Variants in UBE3A observed in about 807,000 individuals in gnomAD.
UBE3A encodes the protein ubiquitin protein ligase E3A.
Under a neutral mutation model 83.4 loss-of-function variants are expected in UBE3A, and 6 were observed. That is an observed-to-expected ratio of 0.07 (90% confidence interval 0.04 to 0.14). The LOEUF is 0.14. Ranked by LOEUF, UBE3A falls within the 10% of genes least tolerant of loss-of-function variation. The pLI is 1.00. For synonymous variants in UBE3A, 337 were observed against 355.4 expected, an observed-to-expected ratio of 0.95 and a Z score of 0.58; for missense variants, 456 against 1,036.1, an observed-to-expected ratio of 0.44 and a Z score of 7.69.
At chr15:25,387,477 G>A (rs1233190194) in intron 4 of UBE3A, among the ~76,000 whole-genome samples, 4 of 151,798 alleles carry the variant, frequency 2.6e-5, no homozygotes, top group East Asian at 1.9e-4. Context: ...AGCCGAGATC[G>A]AGCCACTGCA....
intron 1 of UBE3A, among the ~76,000 whole-genome samples, chr15:25,419,942 C>T (rs1407001978): frequency 6.6e-6 from 1 of 151,914 alleles, no homozygotes; most frequent in African/African-American, 2.4e-5. Context: ...TCCAAAAATG[C>T]TCCATTAACC....
chr15:25,366,011 G>A (rs1192752274), intron 6 of UBE3A, among the ~76,000 whole-genome samples: 2 of 152,078 alleles, frequency 1.3e-5, no homozygotes, highest in Admixed American at 6.5e-5. Context: ...TATGTAGGCT[G>A]GAATCTCTTT....
At chr15:25,435,589 G>A (rs979220175) in intron 1 of UBE3A, among the ~76,000 whole-genome samples, 7 of 152,152 alleles carry the variant, frequency 4.6e-5, no homozygotes, top group Non-Finnish European at 8.8e-5. Context: ...TACTACATGA[G>A]GTAATGGTGA....
At chr15:25,433,270 G>C (rs56329860) in intron 1 of UBE3A, among the ~76,000 whole-genome samples, 1 of 147,982 alleles carries the variant, frequency 6.8e-6, no homozygotes, top group Non-Finnish European at 1.5e-5. Flanking sequence ...TGCAACCTCC[G>C]CCTCCCGTGT....
In UBE3A at chr15:25,339,124, GT is replaced by G. The variant is rs745340054; in HGVS notation, c.*12del. ...TCCTTCCTTTTTTTTGTTTTATTTT[GT>G]TTTGTTTTGTTTTACAGCATGCCAA... On this transcript the variant is annotated 3_prime_UTR_variant, in exon 13 of 13. Coordinates refer to ENST00000648336, the MANE Select transcript of UBE3A (RefSeq NM_130839.5). 1.6e-5 allele frequency: 22 copies of G among 1,399,994 alleles called. No homozygotes were observed. In the African/African-American group the frequency reaches 2.9e-4, roughly 18 times the overall value. The allele number at this position is 1,399,994 out of a possible 1,614,324, so 86.7% of individuals were successfully genotyped here.
Position 25,354,539 on chromosome 15 carries a change from A to G in UBE3A, c.2269T>C (p.Cys757Arg). 1 of 1,613,956 alleles carries G rather than the reference A, an allele frequency of 6.2e-7. No individual in the cohort carries two copies. The highest frequency in any genetic ancestry group is 8.5e-7 in the Non-Finnish European group (1 of 1,179,938). The change falls in exon 10 of 13, where the codon TGT becomes CGT. Residue 757 changes from cysteine (C) to arginine (R), a missense_variant. Around this residue, in one of 13 missense-constraint regions of UBE3A, gnomAD observed 82 missense variants for 199.3 expected, o/e 0.41. Transcript: ENST00000648336. ...ACCTGCTTTCTTACCCGGCTTCCAC[A>G]TATAAGCAATTCAATTTCTTCTGGT... is the stretch of plus-strand genomic sequence containing the variant. ...FRPEEIELLI[C>R]GSRNLDFQAL...
At chr15:25,435,937 GT>G (rs1894940221) in intron 1 of UBE3A, among the ~76,000 whole-genome samples, 1 of 152,146 alleles carries the variant, frequency 6.6e-6, no homozygotes, top group African/African-American at 2.4e-5. Flanking sequence ...GATTTCTAAG[GT>G]AATACTTATT....
At chr15:25,372,896 CTATAA>C (rs150179820) in intron 5 of UBE3A, among the ~76,000 whole-genome samples, 8,138 of 152,128 alleles carry the variant, frequency 0.053, 243 homozygotes, top group African/African-American at 0.084. Context: ...CCCACCTCTG[CTATAA>C]TATATGTTTC....
At chr15:25,413,729 T>C (rs1208912902) in intron 1 of UBE3A, among the ~76,000 whole-genome samples, 1 of 152,220 alleles carries the variant, frequency 6.6e-6, no homozygotes, top group Non-Finnish European at 1.5e-5. Flanking sequence ...TATTTTTCTA[T>C]CTACTGAAAT....
intron 4 of UBE3A, among the ~76,000 whole-genome samples, chr15:25,385,899 T>C (rs1385790713): frequency 1.3e-5 from 2 of 152,184 alleles, no homozygotes; most frequent in Admixed American, 6.5e-5. Context: ...ATCCAGGCAA[T>C]TGACCAGCTT....
At chr15:25,375,836 A>G in intron 4 of UBE3A, 73 bp from the exon 5 acceptor site, 1 of 1,518,474 alleles carries the variant, frequency 6.6e-7, no homozygotes. Context: ...CATATCATCA[A>G]GGCAAAAGTT....
At chr15:25,382,213 TG>T (rs2082293687) in intron 4 of UBE3A, among the ~76,000 whole-genome samples, 1 of 151,516 alleles carries the variant, frequency 6.6e-6, no homozygotes, top group Non-Finnish European at 1.5e-5. Flanking sequence ...CCCAGCTACT[TG>T]GGAGGCTGAT....
chr15:25,359,283 TA>T (rs2077657766), intron 7 of UBE3A, among the ~76,000 whole-genome samples: 1 of 152,200 alleles, frequency 6.6e-6, no homozygotes. Flanking sequence ...TTAAGAACTT[TA>T]TGAAGTTTAT....
At position 25,370,516 on chromosome 15, in the gene UBE3A, G is replaced by A. The variant is rs1431077915; in HGVS notation, c.1608+50C>T. ...ACTTTTAAAATGAATTCACTGAACT[G>A]TATCATGATATCCCCATTATTAGGT... On this transcript the variant is annotated intron_variant, in intron 6 of 12. Coordinates refer to ENST00000648336, the MANE Select transcript of UBE3A (RefSeq NM_130839.5). The surrounding 1 kb of genome is among the most constrained non-coding windows in gnomAD (Gnocchi z 4.2). 1.9e-6 allele frequency: 3 copies of A among 1,603,602 alleles called. No individual in the cohort carries two copies. Among genetic ancestry groups the A allele is most frequent in the South Asian group, 2.2e-5 (2 of 90,848 alleles).
At chr15:25,390,798 A>T (rs948104760) in intron 4 of UBE3A, among the ~76,000 whole-genome samples, 1 of 152,138 alleles carries the variant, frequency 6.6e-6, no homozygotes, top group Admixed American at 6.5e-5. Flanking sequence ...ATGATGTATC[A>T]ATATAGGTTC....
intron 12 of UBE3A, 173 bp downstream of exon 12, chr15:25,339,910 TAA>T: frequency 2.4e-6 from 2 of 840,580 alleles, no homozygotes; most frequent in Non-Finnish European, 3.7e-6. Flanking sequence ...GGCAATTTCT[TAA>T]AAGTTTCCTC....
Position 25,335,948 on chromosome 15 carries a change from A to G in UBE3A, c.*3189T>C, listed in dbSNP as rs941298474. On this transcript the variant is annotated 3_prime_UTR_variant, in exon 13 of 13. Transcript: ENST00000648336. ...GTTATAGATGTTACTGATTTTGGCA[A>G]TGAGGAGATTATAAGGATCCTTGAA... 2.0e-5 allele frequency: 3 copies of G among 152,158 alleles called. No individual in the cohort carries two copies. Among genetic ancestry groups the G allele is most frequent in the African/African-American group, 7.2e-5 (3 of 41,402 alleles). The allele number at this position is 152,158 out of a possible 1,614,324, so 9.4% of individuals were successfully genotyped here.
In UBE3A at chr15:25,416,511, T is replaced by C. The variant is rs142536177; in HGVS notation, c.-164-4540A>G. 4.4e-3 allele frequency among the ~76,000 whole-genome samples: 660 copies of C among 151,700 alleles called. 1 individual carries two copies. The highest frequency in any genetic ancestry group is 0.015 in the African/African-American group (615 of 41,358). The stretch of plus-strand genomic sequence containing the variant: ...GTGGTTACACATGGAAGAAAAGGGG[T>C]AGTGACACAGAGCACAAGGGGCTAC... On this transcript the variant is annotated intron_variant, in intron 1 of 12. Transcript: ENST00000648336.
At chr15:25,409,809 T>C (rs1385671738) in intron 2 of UBE3A, among the ~76,000 whole-genome samples, 1 of 152,144 alleles carries the variant, frequency 6.6e-6, no homozygotes, top group African/African-American at 2.4e-5. Context: ...GGCAACTGCT[T>C]AATGGAATAG....
Sources: gnomAD v4.1 joint callset for allele counts (sites outside exome capture counted in the v4.1 genomes callset) on GRCh38, gnomAD v4.1.1 for gene constraint, gnomAD v4.1.1 regional missense constraint, Gnocchi (gnomAD v3.1) non-coding constraint, MANE v1.5 for transcripts, NCBI Gene and HGNC (gene_info 2026-07-23, HGNC 2026-07-21) for gene names.